Variants in ADAM12 observed in about 807,000 individuals in gnomAD.
ADAM12 encodes the protein disintegrin and metalloproteinase domain-containing protein 12.
ADAM12 carries 70 observed loss-of-function variants against 106.4 expected under a neutral mutation model. The ratio of observed to expected loss-of-function variants is 0.66; its 90% CI spans 0.54 to 0.80. The LOEUF (loss-of-function observed/expected upper bound fraction) is 0.80. ADAM12 is among the 30% of genes least tolerant of loss of function. ADAM12 has a pLI of 0.00. For synonymous variants in ADAM12, 420 were observed against 433.5 expected, an observed-to-expected ratio of 0.97 and a Z score of 0.39; for missense variants, 1,010 against 1,171.9, an observed-to-expected ratio of 0.86 and a Z score of 2.02.
intron 5 of ADAM12, among the ~76,000 whole-genome samples, chr10:126,121,756 C>T (rs993109087): frequency 2.6e-5 from 4 of 151,900 alleles, no homozygotes; most frequent in African/African-American, 9.7e-5. Flanking sequence ...TCATCCTATG[C>T]TCATTGATGG....
chr10:126,202,892 G>A (rs1005200665), intron 3 of ADAM12, among the ~76,000 whole-genome samples: 34 of 133,168 alleles, frequency 2.6e-4, no homozygotes, highest in Middle Eastern at 3.6e-3. Context: ...TTAAACCACC[G>A]AAAGAAAAAA....
chr10:126,368,356 GTTT>G (rs34317249), intron 1 of ADAM12, among the ~76,000 whole-genome samples: 10 of 118,394 alleles, frequency 8.4e-5, no homozygotes, highest in Non-Finnish European at 1.4e-4. Context: ...TGTGTGATTT[GTTT>G]TTTTTTTTTT....
chr10:126,374,730 T>C (rs1369834333), intron 1 of ADAM12, among the ~76,000 whole-genome samples: 1 of 152,128 alleles, frequency 6.6e-6, no homozygotes, highest in Non-Finnish European at 1.5e-5. Context: ...AAGGCCCAAC[T>C]ACATATAACA....
chr10:126,334,315 C>T (rs1019909127), intron 1 of ADAM12, among the ~76,000 whole-genome samples: 1 of 152,134 alleles, frequency 6.6e-6, no homozygotes, highest in Non-Finnish European at 1.5e-5. Flanking sequence ...TGGGCATCAA[C>T]AGAACTCATA....
Position 126,175,392 on chromosome 10 carries a change from C to T in ADAM12, c.261-20087G>A, listed in dbSNP as rs531671138. On this transcript the variant is annotated intron_variant, in intron 3 of 22. Transcript: ENST00000448723. ...TTTACTCATAACAATAACAATTGCT[C>T]GGAAAATAAAACTCAAAACAGGCAA... Among the ~76,000 whole-genome samples the T allele has an allele frequency of 4.3e-4, 65 of 152,232 alleles. No individual in the cohort carries two copies. In the South Asian group the frequency reaches 6.4e-3, roughly 15 times the overall value.
intron 3 of ADAM12, among the ~76,000 whole-genome samples, chr10:126,161,404 G>A (rs1956931712): frequency 1.3e-5 from 2 of 152,202 alleles, no homozygotes; most frequent in Non-Finnish European, 1.5e-5. Context: ...TGTCCGGGTG[G>A]TTTTGCTTTA....
At chr10:126,044,439 A>G (rs1954261188) in intron 17 of ADAM12, among the ~76,000 whole-genome samples, 1 of 152,192 alleles carries the variant, frequency 6.6e-6, no homozygotes, top group Non-Finnish European at 1.5e-5. Flanking sequence ...CTGTTCTTGG[A>G]TGCTGTTGAG....
intron 14 of ADAM12, among the ~76,000 whole-genome samples, chr10:126,057,541 G>A (rs913887047): frequency 7.2e-5 from 11 of 152,100 alleles, no homozygotes; most frequent in African/African-American, 2.7e-4. Context: ...AACTTCTAAG[G>A]ACGCAGCGGC....
At chr10:126,241,531 C>T (rs868499848) in intron 3 of ADAM12, among the ~76,000 whole-genome samples, 5 of 152,190 alleles carry the variant, frequency 3.3e-5, no homozygotes, top group Non-Finnish European at 7.3e-5. Context: ...AGGTCTCTGC[C>T]TTCCAACAAG....
intron 2 of ADAM12, among the ~76,000 whole-genome samples, chr10:126,317,649 G>A (rs576915477): frequency 1.3e-5 from 2 of 152,170 alleles, no homozygotes; most frequent in East Asian, 1.9e-4. Flanking sequence ...AGAGCCTAAT[G>A]ATTAGGTTTC....
At chr10:126,128,537 G>T (rs1029484062) in intron 5 of ADAM12, among the ~76,000 whole-genome samples, 3 of 152,232 alleles carry the variant, frequency 2.0e-5, no homozygotes, top group African/African-American at 7.2e-5. Context: ...TGAGTGTGTG[G>T]TGTACATGTG....
chr10:126,099,501 A>G (rs1288028694), intron 9 of ADAM12, among the ~76,000 whole-genome samples: 2 of 151,748 alleles, frequency 1.3e-5, no homozygotes, highest in Non-Finnish European at 2.9e-5. Context: ...ATAATTATAC[A>G]TGTATATAAA....
intron 21 of ADAM12, among the ~76,000 whole-genome samples, chr10:126,023,254 G>A (rs938225648): frequency 2.0e-5 from 3 of 152,154 alleles, no homozygotes; most frequent in African/African-American, 7.2e-5. Flanking sequence ...CCTAATGTAG[G>A]TATCATGGAA....
chr10:126,263,632 A>G (rs1313390184), intron 3 of ADAM12, among the ~76,000 whole-genome samples: 1 of 152,188 alleles, frequency 6.6e-6, no homozygotes, highest in Non-Finnish European at 1.5e-5. Context: ...GGTGTATTTT[A>G]CACATCTGGA....
intron 1 of ADAM12, among the ~76,000 whole-genome samples, chr10:126,364,698 C>G (rs1271679038): frequency 6.6e-6 from 1 of 151,806 alleles, no homozygotes; most frequent in Non-Finnish European, 1.5e-5. Flanking sequence ...TAAAAGAAGA[C>G]AAATCTTCAA....
In ADAM12 at chr10:126,322,042, A is replaced by G. The variant is rs187287146; in HGVS notation, c.186+8370T>C. On this transcript the variant is annotated intron_variant, in intron 2 of 22. Coordinates refer to ENST00000448723, the MANE Select transcript of ADAM12 (RefSeq NM_001288973.2). ...TATGGCCCTCGGGCAAAGCCAATGC[A>G]CTGCCTGTTTTGGTTCAGCCTGCAA... is the stretch of plus-strand genomic sequence containing the variant. Among the ~76,000 whole-genome samples, 3 of 152,240 alleles carry G rather than the reference A, an allele frequency of 2.0e-5. No homozygotes were observed. The East Asian group carries it at 5.8e-4, about 29-fold the overall frequency.
At position 126,017,219 on chromosome 10, in the gene ADAM12, A is replaced by G; in HGVS notation, c.*60T>C. ...CTAAAAGTTGGTACAAAAAACTCCA[A>G]CTGGAGCTGAAAGATAGTGCAAACT... On this transcript the variant is annotated 3_prime_UTR_variant, in exon 23 of 23. Transcript: ENST00000448723. The G allele has an allele frequency of 6.9e-7, 1 of 1,447,070 alleles. No individual in the cohort carries two copies. The highest frequency in any genetic ancestry group is 9.4e-7 in the Non-Finnish European group (1 of 1,069,018). The allele number at this position is 1,447,070 out of a possible 1,614,324, so 89.6% of individuals were successfully genotyped here. A position where few individuals can be genotyped will look rare whatever the true frequency, so the allele number is the denominator to read the frequency against.
rs112211755 is a variant in ADAM12 at position 126,020,075 on chromosome 10, C to T, written c.2530-250G>A. 8.1e-3 allele frequency among the ~76,000 whole-genome samples: 1,235 copies of T among 152,300 alleles called. 21 individuals are homozygous for T. Among genetic ancestry groups the T allele is most frequent in the African/African-American group, 0.029 (1,199 of 41,558 alleles). On this transcript the variant is annotated intron_variant, in intron 21 of 22. Coordinates refer to ENST00000448723, the MANE Select transcript of ADAM12 (RefSeq NM_001288973.2). The stretch of plus-strand genomic sequence containing the variant: ...GGACTGCCCCTGGGCCCTGGGGTAG[C>T]GTTGATGTTGGGGTTTCTCTGTCAG...
chr10:126,026,559 AATC>A (rs1264168107), intron 21 of ADAM12, among the ~76,000 whole-genome samples: 1 of 152,192 alleles, frequency 6.6e-6, no homozygotes, highest in Admixed American at 6.5e-5. Flanking sequence ...AAAGAACTGA[AATC>A]ATAACAGTCT....
Sources: gnomAD v4.1 joint callset for allele counts (sites outside exome capture counted in the v4.1 genomes callset) on GRCh38, gnomAD v4.1.1 for gene constraint, MANE v1.5 for transcripts, NCBI Gene and HGNC (gene_info 2026-07-23, HGNC 2026-07-21) for gene names.